PDE4D: variants seen among roughly 807,000 people sequenced by gnomAD.
The protein encoded by PDE4D is 3',5'-cyclic-AMP phosphodiesterase 4D.
In PDE4D, 24 loss-of-function variants were observed where a neutral mutation model predicts 87.4. That is an observed-to-expected ratio of 0.27 (90% CI 0.20 to 0.39). The LOEUF (loss-of-function observed/expected upper bound fraction) is 0.39, where lower values mean the gene tolerates loss of function less well. PDE4D is among the 10% of genes least tolerant of loss of function. The pLI is 1.00. For synonymous variants in PDE4D, 384 were observed against 383.2 expected, an observed-to-expected ratio of 1.00 and a Z score of -0.02; for missense variants, 714 against 1,041.0, an observed-to-expected ratio of 0.69 and a Z score of 4.32.
At chr5:59,958,926 C>A (rs1759159850) in intron 3 of PDE4D, among the ~76,000 whole-genome samples, 1 of 152,078 alleles carries the variant, frequency 6.6e-6, no homozygotes, top group African/African-American at 2.4e-5. Flanking sequence ...ACGATGTGAT[C>A]CTTTACCTAG....
chr5:60,336,826 G>T (rs1757793718), intron 1 of PDE4D, among the ~76,000 whole-genome samples: 1 of 152,108 alleles, frequency 6.6e-6, no homozygotes, highest in South Asian at 2.1e-4. Flanking sequence ...GGGTTGGGTT[G>T]CCAGATAAAA....
chr5:59,383,244 CT>C (rs1562073680), intron 1 of PDE4D, among the ~76,000 whole-genome samples: 1 of 152,148 alleles, frequency 6.6e-6, no homozygotes, highest in Non-Finnish European at 1.5e-5. Context: ...ATGATGCCCC[CT>C]ATTATGTCCC....
intron 2 of PDE4D, among the ~76,000 whole-genome samples, chr5:60,000,758 G>C (rs927212103): frequency 1.3e-5 from 2 of 152,288 alleles, no homozygotes; most frequent in African/African-American, 4.8e-5. Context: ...ATAAAAAGCT[G>C]TAATATGTGA....
chr5:59,739,230 C>T (rs1048082912), intron 1 of PDE4D, among the ~76,000 whole-genome samples: 6 of 152,026 alleles, frequency 3.9e-5, no homozygotes, highest in Admixed American at 6.6e-5. Flanking sequence ...GACTGACCTA[C>T]GCAATATGGT....
intron 1 of PDE4D, among the ~76,000 whole-genome samples, chr5:59,232,068 C>G (rs1330005674): frequency 2.6e-5 from 4 of 152,124 alleles, no homozygotes; most frequent in Non-Finnish European, 5.9e-5. Context: ...AGGATTTACA[C>G]CCGTGCTTCA....
At chr5:59,942,541 G>A (rs1757296438) in intron 3 of PDE4D, among the ~76,000 whole-genome samples, 1 of 152,148 alleles carries the variant, frequency 6.6e-6, no homozygotes, top group African/African-American at 2.4e-5. Context: ...TATTCCAGGA[G>A]ACCCAGGCTT....
intron 2 of PDE4D, among the ~76,000 whole-genome samples, chr5:60,047,583 G>A (rs1311829963): frequency 6.6e-6 from 1 of 152,024 alleles, no homozygotes; most frequent in Non-Finnish European, 1.5e-5. Context: ...GTTCTCATTG[G>A]TTTCAAAGAA....
At chr5:59,467,181 A>G (rs1186137056) in intron 1 of PDE4D, among the ~76,000 whole-genome samples, 1 of 152,224 alleles carries the variant, frequency 6.6e-6, no homozygotes. Context: ...AACTATCAGT[A>G]AATCAATTCC....
Position 59,739,487 on chromosome 5 carries a change from G to A in PDE4D, c.455+153681C>T, listed in dbSNP as rs537192123. 2.1e-3 allele frequency among the ~76,000 whole-genome samples: 315 copies of A among 152,162 alleles called. 1 individual carries two copies. Among genetic ancestry groups the A allele is most frequent in the African/African-American group, 7.2e-3 (297 of 41,518 alleles). ...GTTAATGTCTCAATAAGACACTAATGTACAATTCACAATAGAAAATTCTTT... is the reference window on the plus strand; with the variant it reads ...GTTAATGTCTCAATAAGACACTAATATACAATTCACAATAGAAAATTCTTT... On this transcript the variant is annotated intron_variant, in intron 1 of 14. Coordinates refer to ENST00000340635, the MANE Select transcript of PDE4D (RefSeq NM_001104631.2).
chr5:60,113,891 C>G (rs894388102), intron 2 of PDE4D, among the ~76,000 whole-genome samples: 2 of 152,074 alleles, frequency 1.3e-5, no homozygotes, highest in African/African-American at 4.8e-5. Context: ...TACAGGTGAT[C>G]CCTCACAGCA....
intron 2 of PDE4D, among the ~76,000 whole-genome samples, chr5:60,134,925 A>G (rs1229130388): frequency 6.6e-6 from 1 of 152,140 alleles, no homozygotes; most frequent in African/African-American, 2.4e-5. Context: ...CAGGATTTAC[A>G]CCCACTCCAT....
chr5:59,783,146 G>A (rs1471176959), intron 1 of PDE4D, among the ~76,000 whole-genome samples: 3 of 152,196 alleles, frequency 2.0e-5, no homozygotes. Flanking sequence ...CAGAAGGCCT[G>A]GTTTTGGTAT....
chr5:60,129,152 A>G (rs1054353222), intron 2 of PDE4D, among the ~76,000 whole-genome samples: 1 of 152,242 alleles, frequency 6.6e-6, no homozygotes, highest in Non-Finnish European at 1.5e-5. Flanking sequence ...TTTTGCTTAG[A>G]ACAGCACTAA....
chr5:59,449,409 T>C (rs1183796652), intron 1 of PDE4D, among the ~76,000 whole-genome samples: 2 of 152,208 alleles, frequency 1.3e-5, no homozygotes, highest in Non-Finnish European at 1.5e-5. Context: ...CCCAAATCGA[T>C]TCCTTCTAAC....
chr5:59,721,793 T>C (rs1013342647), intron 1 of PDE4D, among the ~76,000 whole-genome samples: 4 of 152,198 alleles, frequency 2.6e-5, no homozygotes, highest in African/African-American at 4.8e-5. Context: ...TTATTCTAAA[T>C]ATTCCCAGGC....
At chr5:59,307,804 G>A (rs1313865137) in intron 1 of PDE4D, among the ~76,000 whole-genome samples, 39 of 152,178 alleles carry the variant, frequency 2.6e-4, no homozygotes, top group Non-Finnish European at 4.3e-4. Flanking sequence ...TCAGTGTGGC[G>A]ATTCCTCAGG....
intron 2 of PDE4D, among the ~76,000 whole-genome samples, chr5:60,130,291 G>T (rs1024523751): frequency 1.3e-5 from 2 of 152,114 alleles, no homozygotes; most frequent in East Asian, 3.8e-4. Context: ...ATTGAGATGG[G>T]TTCCTATTCT....
At chr5:60,041,910 T>C (rs1166140355) in intron 2 of PDE4D, among the ~76,000 whole-genome samples, 2 of 151,146 alleles carry the variant, frequency 1.3e-5, no homozygotes, top group Non-Finnish European at 2.9e-5. Flanking sequence ...TGCAGGATTT[T>C]TTTTTTTTTC....
At chr5:59,426,966 C>A (rs1795317482) in intron 1 of PDE4D, among the ~76,000 whole-genome samples, 1 of 151,056 alleles carries the variant, frequency 6.6e-6, no homozygotes, top group African/African-American at 2.4e-5. Flanking sequence ...CCCACAGTGA[C>A]TTTTTCTCCT....
Sources: gnomAD v4.1 joint callset for allele counts (sites outside exome capture counted in the v4.1 genomes callset) on GRCh38, gnomAD v4.1.1 for gene constraint, MANE v1.5 for transcripts, NCBI Gene and HGNC (gene_info 2026-07-23, HGNC 2026-07-21) for gene names.